Variants in ZNF385D observed in about 807,000 individuals in gnomAD.
ZNF385D encodes the protein zinc finger protein 659.
ZNF385D carries 15 observed loss-of-function variants against 35.8 expected under a neutral mutation model. The ratio of observed to expected loss-of-function variants is 0.42; its 90% CI spans 0.28 to 0.64. The LOEUF (loss-of-function observed/expected upper bound fraction) is 0.64. ZNF385D is among the 30% of genes least tolerant of loss of function. The probability of loss-of-function intolerance (pLI) is 0.23; values close to 1 mark genes in which losing one functional copy is unlikely to be tolerated. For synonymous variants in ZNF385D, 212 were observed against 186.8 expected, an observed-to-expected ratio of 1.13 and a Z score of -1.10; for missense variants, 474 against 494.6, an observed-to-expected ratio of 0.96 and a Z score of 0.39.
chr3:21,576,995 GTTCT>G (rs2125693829), intron 2 of ZNF385D, among the ~76,000 whole-genome samples: 1 of 152,220 alleles, frequency 6.6e-6, no homozygotes, highest in South Asian at 2.1e-4. Flanking sequence ...ACATTTATCA[GTTCT>G]TTGTGTTGGG....
intron 2 of ZNF385D, among the ~76,000 whole-genome samples, chr3:22,174,025 AACACAC>A (rs10569895): frequency 1.8e-3 from 272 of 149,964 alleles, no homozygotes; most frequent in African/African-American, 5.4e-3. Flanking sequence ...TTTACACACA[AACACAC>A]ACACACACAC....
intron 3 of ZNF385D, among the ~76,000 whole-genome samples, chr3:22,005,498 A>T (rs1696146199): frequency 6.6e-6 from 1 of 152,094 alleles, no homozygotes; most frequent in Non-Finnish European, 1.5e-5. Flanking sequence ...AAAGATTCGA[A>T]ATATTTTCAA....
chr3:22,076,602 C>T (rs1700476725), intron 3 of ZNF385D, among the ~76,000 whole-genome samples: 3 of 151,798 alleles, frequency 2.0e-5, no homozygotes, highest in African/African-American at 7.3e-5. Context: ...GTTTCCTAGC[C>T]CAATTGGACT....
intron 4 of ZNF385D, among the ~76,000 whole-genome samples, chr3:21,482,536 A>C (rs548938948): frequency 3.7e-4 from 56 of 152,246 alleles, no homozygotes; most frequent in Middle Eastern, 3.4e-3. Context: ...CTTCCTAATA[A>C]CACAAACCCA....
chr3:21,905,579 G>T (rs1302107089), intron 3 of ZNF385D, among the ~76,000 whole-genome samples: 1 of 151,916 alleles, frequency 6.6e-6, no homozygotes. Flanking sequence ...AATGATGGAA[G>T]TCCAGAGCAT....
intron 2 of ZNF385D, among the ~76,000 whole-genome samples, chr3:21,664,667 C>T (rs1037667181): frequency 2.0e-5 from 3 of 152,168 alleles, no homozygotes; most frequent in Non-Finnish European, 4.4e-5. Flanking sequence ...AACTCATGAT[C>T]AACCGAATCG....
At chr3:21,658,275 C>T (rs1003829535) in intron 2 of ZNF385D, among the ~76,000 whole-genome samples, 1 of 152,002 alleles carries the variant, frequency 6.6e-6, no homozygotes, top group Non-Finnish European at 1.5e-5. Context: ...GGGATTTTTA[C>T]ATCACTGTCC....
At chr3:21,458,558 A>G (rs945973795) in intron 4 of ZNF385D, among the ~76,000 whole-genome samples, 4 of 152,022 alleles carry the variant, frequency 2.6e-5, no homozygotes, top group East Asian at 3.9e-4. Context: ...ATCTCTACCA[A>G]TGATGAAAGG....
In ZNF385D at chr3:21,564,633, G is replaced by A. The variant is rs1305245934; in HGVS notation, c.217C>T (p.Pro73Ser). 2 of 1,585,736 alleles carry A rather than the reference G, an allele frequency of 1.3e-6. No individual in the cohort carries two copies. Among genetic ancestry groups the A allele is most frequent in the South Asian group, 1.2e-5 (1 of 86,530 alleles). ...GATATGATTTGCTTTCTTCGGTGGGGAAGAGGAACCCCGAATGTATGGTTT... is the reference window on the plus strand; with the variant it reads ...GATATGATTTGCTTTCTTCGGTGGGAAAGAGGAACCCCGAATGTATGGTTT... ...VINHTFGVPL[P>S]HRRKQIISCN... Residue 73 changes from proline to serine, a missense_variant, in exon 3 of 8, where the codon CCC becomes TCC. By Grantham distance (74) the Pro-to-Ser change is moderately conservative (BLOSUM62 -1). Coordinates refer to ENST00000281523, the MANE Select transcript of ZNF385D (RefSeq NM_024697.3).
intron 2 of ZNF385D, among the ~76,000 whole-genome samples, chr3:21,663,740 G>A (rs2066305389): frequency 6.6e-6 from 1 of 151,082 alleles, no homozygotes; most frequent in Non-Finnish European, 1.5e-5. Flanking sequence ...AAAAAGCAAA[G>A]GGATCATTTT....
intron 2 of ZNF385D, among the ~76,000 whole-genome samples, chr3:22,247,637 T>G (rs1699856280): frequency 6.6e-6 from 1 of 151,828 alleles, no homozygotes; most frequent in Non-Finnish European, 1.5e-5. Context: ...ATTTATTTAT[T>G]TATTTATTGA....
chr3:21,897,860 A>T (rs762314225), intron 3 of ZNF385D, among the ~76,000 whole-genome samples: 2 of 152,172 alleles, frequency 1.3e-5, no homozygotes, highest in African/African-American at 4.8e-5. Flanking sequence ...CTTAGTGTGT[A>T]TCGAAAAGAA....
intron 3 of ZNF385D, among the ~76,000 whole-genome samples, chr3:21,948,550 A>G (rs1559782642): frequency 6.6e-6 from 1 of 152,102 alleles, no homozygotes; most frequent in Non-Finnish European, 1.5e-5. Context: ...CTAATATTAT[A>G]TATTTGTATA....
At chr3:21,554,306 G>A (rs1415134545) in intron 3 of ZNF385D, among the ~76,000 whole-genome samples, 1 of 152,138 alleles carries the variant, frequency 6.6e-6, no homozygotes, top group Admixed American at 6.5e-5. Context: ...CTCGGGTTAT[G>A]AGGTACATTG....
intron 3 of ZNF385D, among the ~76,000 whole-genome samples, chr3:22,131,998 C>T (rs774539892): frequency 3.9e-5 from 6 of 152,000 alleles, no homozygotes; most frequent in African/African-American, 9.7e-5. Context: ...GGGGTGCAGG[C>T]CTGAAGTAGG....
intron 3 of ZNF385D, chr3:21,562,063 G>GGCT (rs56810266): frequency 3.4e-4 from 51 of 151,514 alleles, no homozygotes; most frequent in South Asian, 3.3e-3. Context: ...CAAATACCTT[G>GGCT]GCCATGTTCC....
chr3:21,508,149 G>A (rs1706926563), intron 4 of ZNF385D, among the ~76,000 whole-genome samples: 1 of 151,924 alleles, frequency 6.6e-6, no homozygotes, highest in African/African-American at 2.4e-5. Context: ...TATCTCTTCT[G>A]CCCTTTTGAA....
chr3:21,806,673 T>C (rs1420787881), intron 3 of ZNF385D, among the ~76,000 whole-genome samples: 7 of 152,166 alleles, frequency 4.6e-5, no homozygotes, highest in Admixed American at 2.6e-4. Flanking sequence ...AAAACATATG[T>C]TATATAGTAA....
At chr3:21,577,197 C>G (rs1299487073) in intron 2 of ZNF385D, among the ~76,000 whole-genome samples, 1 of 152,156 alleles carries the variant, frequency 6.6e-6, no homozygotes, top group Non-Finnish European at 1.5e-5. Context: ...TATCACTATT[C>G]TACTGTTTAC....
Sources: gnomAD v4.1 joint callset for allele counts (sites outside exome capture counted in the v4.1 genomes callset) on GRCh38, gnomAD v4.1.1 for gene constraint, MANE v1.5 for transcripts, NCBI Gene and HGNC (gene_info 2026-07-23, HGNC 2026-07-21) for gene names.